MYO10: variants seen among roughly 807,000 people sequenced by gnomAD.
The protein encoded by MYO10 is unconventional myosin-X.
MYO10 carries 133 observed loss-of-function variants against 257.3 expected under a neutral mutation model. The observed-to-expected ratio is 0.52, with a 90% CI of 0.45 to 0.60. The LOEUF (loss-of-function observed/expected upper bound fraction) is 0.60, where lower values mean the gene tolerates loss of function less well. Among genes scored for constraint, MYO10 ranks in the 20% least tolerant of loss-of-function variants. MYO10 has a pLI of 0.00. For missense variants in MYO10, 2,399 were observed against 2,635.7 expected (o/e 0.91, Z 1.97); for synonymous variants, 1,104 against 1,028.6 (o/e 1.07, Z -1.40).
At chr5:16,826,256 C>T (rs1742997582) in intron 2 of MYO10, among the ~76,000 whole-genome samples, 2 of 152,050 alleles carry the variant, frequency 1.3e-5, no homozygotes. Context: ...TCTCCTAGAT[C>T]TATGCTACCT....
intron 19 of MYO10, among the ~76,000 whole-genome samples, chr5:16,750,323 G>T (rs941668434): frequency 6.6e-6 from 1 of 151,860 alleles, no homozygotes; most frequent in African/African-American, 2.4e-5. Context: ...TGTGACAGCC[G>T]AATTGACATA....
chr5:16,680,978 G>A (rs552367846), intron 32 of MYO10, among the ~76,000 whole-genome samples: 41 of 152,306 alleles, frequency 2.7e-4, no homozygotes, highest in Non-Finnish European at 4.7e-4. Context: ...GGGCAACAGT[G>A]TGAGACCCTG....
chr5:16,780,844 T>TTCCC, intron 6 of MYO10, 103 bp from the exon 7 acceptor site: 2 of 1,181,928 alleles, frequency 1.7e-6, no homozygotes, highest in Non-Finnish European at 2.4e-6. Context: ...ATAATTACAG[T>TTCCC]TCCCTGTTCC....
At chr5:16,773,165 A>G (rs1741104957) in intron 9 of MYO10, among the ~76,000 whole-genome samples, 1 of 152,216 alleles carries the variant, frequency 6.6e-6, no homozygotes, top group Non-Finnish European at 1.5e-5. Flanking sequence ...GAAACAAAGA[A>G]TAAGAACTAT....
chr5:16,930,597 G>C (rs193008138), intron 1 of MYO10, among the ~76,000 whole-genome samples: 3 of 152,240 alleles, frequency 2.0e-5, no homozygotes, highest in Admixed American at 6.5e-5. Flanking sequence ...CATTCACCAA[G>C]GGCCACTGGT....
At chr5:16,894,099 A>G (rs761454998) in intron 1 of MYO10, among the ~76,000 whole-genome samples, 4 of 152,176 alleles carry the variant, frequency 2.6e-5, no homozygotes, top group East Asian at 1.9e-4. Context: ...TCCTGTTCTT[A>G]TATCTTACAT....
rs1205459352 is a variant in MYO10 at position 16,935,925 on chromosome 5, C to G, written c.-117G>C. On this transcript the variant is annotated 5_prime_UTR_variant, in exon 1 of 41. Transcript: ENST00000513610. The stretch of plus-strand genomic sequence containing the variant: ...CGCCACTCCCGAGGACGCGCGCCCG[C>G]GGGGCTCCCCTGCTGCCATCGCCCG... 1.3e-5 allele frequency: 16 copies of G among 1,265,580 alleles called. No individual in the cohort carries two copies. Among genetic ancestry groups the G allele is most frequent in the Non-Finnish European group, 1.8e-5 (16 of 894,708 alleles). The allele number at this position is 1,265,580 out of a possible 1,614,324, so 78.4% of individuals were successfully genotyped here.
chr5:16,892,035 AT>A (rs1326998298), intron 1 of MYO10, among the ~76,000 whole-genome samples: 1 of 152,136 alleles, frequency 6.6e-6, no homozygotes, highest in Non-Finnish European at 1.5e-5. Flanking sequence ...GCAGAAATGG[AT>A]TTTACTTGCT....
At chr5:16,814,430 G>A (rs1742540749) in intron 3 of MYO10, 1 of 152,238 alleles carries the variant, frequency 6.6e-6, no homozygotes, top group African/African-American at 2.4e-5. Flanking sequence ...TTACAGGCGT[G>A]AGCCACTGTG....
intron 1 of MYO10, among the ~76,000 whole-genome samples, chr5:16,925,171 A>C (rs2126804111): frequency 6.6e-6 from 1 of 152,192 alleles, no homozygotes; most frequent in South Asian, 2.1e-4. Flanking sequence ...GTTTCCCAAA[A>C]CCCAAACAGA....
chr5:16,857,170 T>C (rs1196457811), intron 2 of MYO10, among the ~76,000 whole-genome samples: 4 of 152,342 alleles, frequency 2.6e-5, no homozygotes, highest in Non-Finnish European at 4.4e-5. Context: ...TGTCCTCATT[T>C]TGCTGTCCCT....
intron 19 of MYO10, among the ~76,000 whole-genome samples, chr5:16,747,725 T>C (rs957469190): frequency 1.9e-4 from 29 of 151,990 alleles, no homozygotes; most frequent in Admixed American, 1.8e-3. Context: ...GAGACCAGTC[T>C]GGCTAACACA....
intron 1 of MYO10, among the ~76,000 whole-genome samples, chr5:16,921,164 C>G (rs537486022): frequency 1.5e-5 from 2 of 132,046 alleles, no homozygotes; most frequent in East Asian, 4.3e-4. Context: ...TAAACGTATA[C>G]CAGAATAACA....
rs34750487 is a variant in MYO10 at position 16,884,657 on chromosome 5, CTT to C, written c.22-6952_22-6951del. Among the ~76,000 whole-genome samples the C allele has an allele frequency of 3.4e-3, 481 of 143,388 alleles. 3 individuals are homozygous for C. Among genetic ancestry groups the C allele is most frequent in the Non-Finnish European group, 3.5e-3 (232 of 65,958 alleles). The allele number at this position is 143,388 out of a possible 152,430, so 94.1% of individuals were successfully genotyped here. ...GCAGCACTTTTTCTCCTGTTTTCGT[CTT>C]TTTTTTTTTTTCCTTCTGTTGGAAG... On this transcript the variant is annotated intron_variant, in intron 1 of 40. Transcript: ENST00000513610.
intron 4 of MYO10, among the ~76,000 whole-genome samples, chr5:16,786,900 A>G (rs1403786885): frequency 6.6e-6 from 1 of 151,992 alleles, no homozygotes; most frequent in African/African-American, 2.4e-5. Flanking sequence ...CGGGGGCAGT[A>G]GCTCACATCT....
intron 27 of MYO10, among the ~76,000 whole-genome samples, chr5:16,692,032 C>T (rs1385541462): frequency 2.0e-5 from 3 of 152,096 alleles, no homozygotes; most frequent in South Asian, 4.1e-4. Context: ...ATCTAAAAAC[C>T]AGTGACAACA....
chr5:16,763,882 C>G, intron 12 of MYO10, 127 bp from the exon 13 acceptor site: 1 of 694,548 alleles, frequency 1.4e-6, no homozygotes, highest in Non-Finnish European at 2.4e-6. Flanking sequence ...CAGTGGCTCA[C>G]ACCTGTTATC....
chr5:16,912,226 G>A (rs902947888), intron 1 of MYO10, among the ~76,000 whole-genome samples: 5 of 152,102 alleles, frequency 3.3e-5, no homozygotes, highest in Non-Finnish European at 7.4e-5. Flanking sequence ...CGGCCCACTA[G>A]GTAAAAACCA....
intron 2 of MYO10, among the ~76,000 whole-genome samples, chr5:16,853,444 T>C (rs754375508): frequency 1.5e-4 from 23 of 152,212 alleles, no homozygotes; most frequent in Non-Finnish European, 3.1e-4. Flanking sequence ...CTTCCATCTT[T>C]AAAGATTCCT....
Sources: gnomAD v4.1 joint callset for allele counts (sites outside exome capture counted in the v4.1 genomes callset) on GRCh38, gnomAD v4.1.1 for gene constraint, MANE v1.5 for transcripts, NCBI Gene and HGNC (gene_info 2026-07-23, HGNC 2026-07-21) for gene names.